Variants in METTL9 observed in about 807,000 individuals in gnomAD.
METTL9 encodes the protein methyltransferase 9, His-X-His N1(pi)-histidine.
METTL9 carries 10 observed loss-of-function variants against 36.0 expected under a neutral mutation model. That is an observed-to-expected ratio of 0.28 (90% CI 0.17 to 0.47). METTL9 has a LOEUF of 0.47. Among genes scored for constraint, METTL9 ranks in the 20% least tolerant of loss-of-function variants. The pLI is 0.99. For missense variants in METTL9, 246 were observed against 383.5 expected, an observed-to-expected ratio of 0.64 and a Z score of 3.00; for synonymous variants, 175 against 149.7, an observed-to-expected ratio of 1.17 and a Z score of -1.23.
At chr16:21,641,762 A>G (rs541428812) in intron 4 of METTL9, among the ~76,000 whole-genome samples, 2 of 152,092 alleles carry the variant, frequency 1.3e-5, no homozygotes, top group Non-Finnish European at 2.9e-5. Context: ...TTAGAGTAGG[A>G]TGTGGGAACT....
chr16:21,637,688 G>A (rs1597775174), intron 4 of METTL9, among the ~76,000 whole-genome samples: 1 of 152,348 alleles, frequency 6.6e-6, no homozygotes, highest in African/African-American at 2.4e-5. Context: ...TACACACCCG[G>A]AACCTGTGCT....
intron 4 of METTL9, among the ~76,000 whole-genome samples, chr16:21,635,233 G>A (rs1966059007): frequency 6.6e-6 from 1 of 152,064 alleles, no homozygotes; most frequent in Non-Finnish European, 1.5e-5. Context: ...ATCAGAGAGG[G>A]AGAAGGGGAC....
intron 3 of METTL9, among the ~76,000 whole-genome samples, chr16:21,621,741 G>A (rs1965700349): frequency 6.6e-6 from 1 of 152,162 alleles, no homozygotes; most frequent in Non-Finnish European, 1.5e-5. Flanking sequence ...ACTAAAGGAT[G>A]TGGTTTTGAT....
chr16:21,627,413 A>G lies in METTL9; in HGVS notation c.751+2298A>G, dbSNP rs575988325. The G allele has an allele frequency of 1.1e-3, 1,119 of 982,090 alleles. 2 individuals are homozygous for G. The highest frequency in any genetic ancestry group is 1.3e-3 in the Non-Finnish European group (1,064 of 826,996). The allele number at this position is 982,090 out of a possible 1,614,324, so 60.8% of individuals were successfully genotyped here. On this transcript the variant is annotated intron_variant, in intron 4 of 4. Transcript: ENST00000358154. ...TATTTGGAAAAAAAATGAAAAAAAT[A>G]CCATTCTAATTTCAGTTTATTTGGT...
intron 3 of METTL9, 43 bp downstream of exon 3, chr16:21,618,117 T>A: frequency 7.3e-7 from 1 of 1,360,976 alleles, no homozygotes; most frequent in Non-Finnish European, 1.0e-6. Flanking sequence ...CTTGAAAGTA[T>A]ATTATTTAAA....
In METTL9 at chr16:21,635,143, T is replaced by C. The variant is rs1355924593; in HGVS notation, c.751+10028T>C. Among the ~76,000 whole-genome samples, 6 of 152,292 alleles carry C rather than the reference T, an allele frequency of 3.9e-5. No individual in the cohort carries two copies. The South Asian group carries it at 6.2e-4, about 16-fold the overall frequency. On this transcript the variant is annotated intron_variant, in intron 4 of 4. Transcript: ENST00000358154. ...ATCTCTCCAAGCGAGGTTGAAGGTTTGCCCTAGACCCTGTAGGACATCTGT... is the reference window on the plus strand; with the variant it reads ...ATCTCTCCAAGCGAGGTTGAAGGTTCGCCCTAGACCCTGTAGGACATCTGT...
At chr16:21,602,643 T>C (rs1426285726) in intron 1 of METTL9, among the ~76,000 whole-genome samples, 1 of 148,590 alleles carries the variant, frequency 6.7e-6, no homozygotes, top group East Asian at 1.9e-4. Flanking sequence ...TTCAAATTTA[T>C]TTCAGTGTCT....
chr16:21,625,581 T>C (rs1427572898), intron 4 of METTL9, among the ~76,000 whole-genome samples: 1 of 152,014 alleles, frequency 6.6e-6, no homozygotes, highest in East Asian at 1.9e-4. Context: ...TTGAAGACCA[T>C]GTGTGTTGTT....
Position 21,646,898 on chromosome 16 carries a change from C to A in METTL9, c.752-8329C>A, listed in dbSNP as rs1034607219. 3.5e-5 allele frequency: 18 copies of A among 512,468 alleles called. 2 individuals carry two copies. The highest frequency in any genetic ancestry group is 2.4e-4 in the Admixed American group (8 of 33,422). 31.7% of individuals were successfully genotyped at this position (512,468 alleles called of 1,614,324 possible). On this transcript the variant is annotated intron_variant, in intron 4 of 4. Coordinates refer to ENST00000358154, the MANE Select transcript of METTL9 (RefSeq NM_016025.5). ...CTTGAACTCCTGACCTCAAGTGATT[C>A]GTCCACCTCAGCCTCAAAGTGCTGG...
intron 4 of METTL9, among the ~76,000 whole-genome samples, chr16:21,636,325 T>C (rs1248593862): frequency 6.6e-6 from 1 of 152,208 alleles, no homozygotes; most frequent in East Asian, 1.9e-4. Context: ...GCAAAAATTA[T>C]GTCTTTCTGA....
At chr16:21,630,522 C>T (rs1286007237) in intron 4 of METTL9, among the ~76,000 whole-genome samples, 1 of 152,212 alleles carries the variant, frequency 6.6e-6, no homozygotes, top group African/African-American at 2.4e-5. Context: ...CCCGTCTAAA[C>T]AGGATACCCC....
chr16:21,637,873 C>T (rs1032737633), intron 4 of METTL9, among the ~76,000 whole-genome samples: 3 of 152,252 alleles, frequency 2.0e-5, no homozygotes, highest in East Asian at 3.8e-4. Context: ...GCCGAGGAGG[C>T]GCTGAGAGCG....
At chr16:21,651,051 GTC>G (rs1966560409) in intron 4 of METTL9, among the ~76,000 whole-genome samples, 1 of 152,070 alleles carries the variant, frequency 6.6e-6, no homozygotes, top group Non-Finnish European at 1.5e-5. Flanking sequence ...GTGAAACGCT[GTC>G]TCTACTAAAA....
chr16:21,614,501 T>C (rs1965506259), intron 2 of METTL9, among the ~76,000 whole-genome samples: 1 of 152,184 alleles, frequency 6.6e-6, no homozygotes, highest in Non-Finnish European at 1.5e-5. Flanking sequence ...CTTCCCTTAC[T>C]TAAAACTCTT....
At chr16:21,636,239 G>A (rs1313450876) in intron 4 of METTL9, among the ~76,000 whole-genome samples, 1 of 152,138 alleles carries the variant, frequency 6.6e-6, no homozygotes, top group Non-Finnish European at 1.5e-5. Flanking sequence ...CTAGCTTCAG[G>A]AATAGCATTT....
chr16:21,630,633 C>G (rs1965934603), intron 4 of METTL9, among the ~76,000 whole-genome samples: 1 of 152,226 alleles, frequency 6.6e-6, no homozygotes, highest in Admixed American at 6.5e-5. Flanking sequence ...CAGAGGGGAA[C>G]TCTTTAGGCC....
rs368363411 is a variant in METTL9, at chr16:21,617,946, C to G, written c.438C>G (p.Thr146=). Residue 146 remains threonine, a synonymous_variant, in exon 3 of 5, where the codon ACC becomes ACG. Transcript: ENST00000358154. ...RLLKINPDWK[T]HRLLDLGAGD... ...TTAAAATTAATCCAGACTGGAAAAC[C>G]CACAGACTTCTTGATTTAGGTGCTG... The G allele has an allele frequency of 1.9e-6, 3 of 1,613,750 alleles. No individual in the cohort carries two copies. Among genetic ancestry groups the G allele is most frequent in the African/African-American group, 2.7e-5 (2 of 74,818 alleles).
In METTL9 at chr16:21,655,083, A is replaced by T. The variant is rs149565593; in HGVS notation, c.752-144A>T. 286 of 682,242 alleles carry T rather than the reference A, an allele frequency of 4.2e-4. 2 individuals carry two copies. The East Asian group carries it at 5.1e-3, about 12-fold the overall frequency. 42.3% of individuals were successfully genotyped at this position (682,242 alleles called of 1,614,324 possible). The stretch of plus-strand genomic sequence containing the variant: ...TATCTGCCCACCTGTCTCAAAGAGT[A>T]CCTGGGAAGTACAAAAGAGGTAACT... On this transcript the variant is annotated intron_variant, in intron 4 of 4. Coordinates refer to ENST00000358154, the MANE Select transcript of METTL9 (RefSeq NM_016025.5).
chr16:21,626,504 A>T (rs1965817852), intron 4 of METTL9, among the ~76,000 whole-genome samples: 1 of 152,172 alleles, frequency 6.6e-6, no homozygotes, highest in Admixed American at 6.5e-5. Context: ...TTGTGTTGAT[A>T]ATGGGGAAAA....
Sources: gnomAD v4.1 joint callset for allele counts (sites outside exome capture counted in the v4.1 genomes callset) on GRCh38, gnomAD v4.1.1 for gene constraint, MANE v1.5 for transcripts, NCBI Gene and HGNC (gene_info 2026-07-23, HGNC 2026-07-21) for gene names.